The following ABTB3 variants were observed in gnomAD, a reference collection of about 807,000 sequenced individuals.
ABTB3 encodes ankyrin repeat and BTB domain containing 3.
At chr12:107,460,770 G>T in the ABTB3 span, among the ~76,000 whole-genome samples, 1 of 152,342 alleles carries the variant, frequency 6.6e-6, no homozygotes, top group East Asian at 1.9e-4. Flanking sequence ...GGGGCTGGGG[G>T]TTGTGTGATG....
chr12:107,476,958 G>C, the ABTB3 span, among the ~76,000 whole-genome samples: 1 of 152,124 alleles, frequency 6.6e-6, no homozygotes, highest in Admixed American at 6.5e-5. Flanking sequence ...TTGTTGAATT[G>C]TACTGAAGAA....
At chr12:107,651,753 C>T in the ABTB3 span, 5 of 1,614,058 alleles carry the variant, frequency 3.1e-6, no homozygotes, top group Admixed American at 1.7e-5. Flanking sequence ...AGCATCAATA[C>T]CGACAACTGT....
At chr12:107,525,324 C>CAAA in the ABTB3 span, among the ~76,000 whole-genome samples, 125 of 34,872 alleles carry the variant, frequency 3.6e-3, 3 homozygotes, top group African/African-American at 5.7e-3. Flanking sequence ...AAGATCCTGT[C>CAAA]AAAAAAAAAA....
the ABTB3 span, chr12:107,649,162 G>A: frequency 3.2e-6 from 5 of 1,549,372 alleles, no homozygotes; most frequent in Non-Finnish European, 4.5e-6. Context: ...GCTTTGAGAT[G>A]ATGCGTCTTT....
the ABTB3 span, among the ~76,000 whole-genome samples, chr12:107,366,752 C>A: frequency 6.6e-6 from 1 of 152,192 alleles, no homozygotes; most frequent in Non-Finnish European, 1.5e-5. Context: ...TATTGGTACC[C>A]TATCAACAGA....
chr12:107,499,940 C>A, the ABTB3 span, among the ~76,000 whole-genome samples: 1 of 152,112 alleles, frequency 6.6e-6, no homozygotes, highest in Non-Finnish European at 1.5e-5. Context: ...CCTGCCTTGT[C>A]CTCCCAAAGT....
At chr12:107,467,314 T>C in the ABTB3 span, among the ~76,000 whole-genome samples, 2 of 151,974 alleles carry the variant, frequency 1.3e-5, no homozygotes, top group Non-Finnish European at 1.5e-5. Context: ...TGTATTTTGT[T>C]ATTGTAGAAT....
At chr12:107,337,684 A>G in the ABTB3 span, among the ~76,000 whole-genome samples, 3 of 152,174 alleles carry the variant, frequency 2.0e-5, no homozygotes, top group Non-Finnish European at 4.4e-5. Context: ...AGACCCTCCC[A>G]TTAACTGTGT....
the ABTB3 span, among the ~76,000 whole-genome samples, chr12:107,455,894 C>G: frequency 6.6e-6 from 1 of 152,112 alleles, no homozygotes; most frequent in Admixed American, 6.5e-5. Flanking sequence ...AGAGAGGGAG[C>G]AGAATTGAAC....
At chr12:107,551,194 A>G in the ABTB3 span, among the ~76,000 whole-genome samples, 1 of 152,212 alleles carries the variant, frequency 6.6e-6, no homozygotes, top group Non-Finnish European at 1.5e-5. Context: ...GCAGTCCCCT[A>G]CAATGCCCAG....
the ABTB3 span, among the ~76,000 whole-genome samples, chr12:107,504,882 A>G: frequency 3.3e-5 from 5 of 152,178 alleles, no homozygotes; most frequent in South Asian, 2.1e-4. Context: ...TTTGATTTCT[A>G]TAACAGGGAG....
At chr12:107,607,591 G>T in the ABTB3 span, among the ~76,000 whole-genome samples, 8 of 152,280 alleles carry the variant, frequency 5.3e-5, no homozygotes, top group African/African-American at 1.7e-4. Context: ...TGGAGGCCTG[G>T]CCTGACGTTT....
At chr12:107,505,475 C>A in the ABTB3 span, among the ~76,000 whole-genome samples, 1 of 151,758 alleles carries the variant, frequency 6.6e-6, no homozygotes, top group Non-Finnish European at 1.5e-5. Context: ...TATTTTAAAT[C>A]AGTGAGGAAA....
chr12:107,411,795 T>C, the ABTB3 span, among the ~76,000 whole-genome samples: 3 of 152,198 alleles, frequency 2.0e-5, no homozygotes, highest in African/African-American at 7.2e-5. Flanking sequence ...TCTCCGTCTA[T>C]ACCCTGTGAG....
the ABTB3 span, among the ~76,000 whole-genome samples, chr12:107,469,852 TCTTTCTTTCTTTC>T: frequency 1.5e-5 from 2 of 136,266 alleles, no homozygotes; most frequent in African/African-American, 5.6e-5. Flanking sequence ...TCTCTCTTTC[TCTTTCTTTCTTTC>T]TTTTCTTTCT....
chr12:107,360,436 G>A, the ABTB3 span, among the ~76,000 whole-genome samples: 11 of 152,238 alleles, frequency 7.2e-5, no homozygotes, highest in African/African-American at 1.4e-4. Context: ...AGTAGGCAGC[G>A]AAGACCCCAA....
At chr12:107,529,736 A>C in the ABTB3 span, among the ~76,000 whole-genome samples, 1 of 152,164 alleles carries the variant, frequency 6.6e-6, no homozygotes, top group Non-Finnish European at 1.5e-5. Context: ...CAAATAACTC[A>C]CTTAAGGTCA....
the ABTB3 span, among the ~76,000 whole-genome samples, chr12:107,544,511 G>A: frequency 0.12 from 18,255 of 152,140 alleles, 1,323 homozygotes; most frequent in Non-Finnish European, 0.17. Flanking sequence ...CCCAGGGCCC[G>A]GGATAACCAG....
At chr12:107,624,073 A>C in the ABTB3 span, among the ~76,000 whole-genome samples, 3 of 152,016 alleles carry the variant, frequency 2.0e-5, 1 homozygote, top group East Asian at 5.8e-4. Flanking sequence ...GCTCAAAGGA[A>C]AAAGTGTAGG....
Sources: gnomAD v4.1 joint callset for allele counts (sites outside exome capture counted in the v4.1 genomes callset) on GRCh38, gnomAD v4.1.1 for gene constraint, MANE v1.5 for transcripts, NCBI Gene and HGNC (gene_info 2026-07-23, HGNC 2026-07-21) for gene names.